The following CDH18 variants were observed in gnomAD, a reference collection of about 807,000 sequenced individuals.
CDH18 encodes cadherin-18.
CDH18 carries 31 observed loss-of-function variants against 67.9 expected under a neutral mutation model. The ratio of observed to expected loss-of-function variants is 0.46; its 90% CI spans 0.34 to 0.62. The LOEUF (loss-of-function observed/expected upper bound fraction) is 0.62. Among genes scored for constraint, CDH18 ranks in the 20% least tolerant of loss-of-function variants. The probability of loss-of-function intolerance (pLI) is 0.01; values close to 1 mark genes in which losing one functional copy is unlikely to be tolerated. For missense variants in CDH18, 890 were observed against 975.5 expected (o/e 0.91, Z 1.17); for synonymous variants, 362 against 347.2 (o/e 1.04, Z -0.48).
chr5:20,363,615 T>C (rs1258364570), intron 1 of CDH18, among the ~76,000 whole-genome samples: 1 of 152,088 alleles, frequency 6.6e-6, no homozygotes, highest in Non-Finnish European at 1.5e-5. Context: ...TATTTATGTA[T>C]ACAGTGGCAT....
chr5:19,852,131 G>T (rs1360383609), intron 2 of CDH18, among the ~76,000 whole-genome samples: 1 of 151,914 alleles, frequency 6.6e-6, no homozygotes, highest in East Asian at 1.9e-4. Flanking sequence ...AGACTATCTG[G>T]ATTGACCAGG....
intron 2 of CDH18, among the ~76,000 whole-genome samples, chr5:19,890,689 G>A (rs978162243): frequency 5.3e-5 from 8 of 151,606 alleles, no homozygotes; most frequent in Non-Finnish European, 1.5e-5. Context: ...CCGCATCCTG[G>A]GTTCAAGTGA....
chr5:20,457,459 T>C (rs1176037165), intron 1 of CDH18, among the ~76,000 whole-genome samples: 2 of 152,132 alleles, frequency 1.3e-5, no homozygotes, highest in Non-Finnish European at 2.9e-5. Flanking sequence ...ATTTTACAGA[T>C]GAGCAAATGG....
chr5:19,938,362 T>A (rs1292703312), intron 2 of CDH18, among the ~76,000 whole-genome samples: 1 of 151,320 alleles, frequency 6.6e-6, no homozygotes, highest in Non-Finnish European at 1.5e-5. Context: ...TTTTAATTTT[T>A]TTATTATTAT....
chr5:20,517,551 T>C (rs1015941167), intron 1 of CDH18, among the ~76,000 whole-genome samples: 6 of 152,024 alleles, frequency 3.9e-5, no homozygotes, highest in Admixed American at 6.6e-5. Flanking sequence ...AAATCTGATA[T>C]ATTTTAAATA....
intron 2 of CDH18, among the ~76,000 whole-genome samples, chr5:19,995,102 T>C (rs1483500338): frequency 6.6e-6 from 1 of 151,524 alleles, no homozygotes; most frequent in Non-Finnish European, 1.5e-5. Context: ...AGGCACTCAA[T>C]GGATTGGATG....
chr5:20,540,366 C>G (rs756748390), intron 1 of CDH18, among the ~76,000 whole-genome samples: 1 of 151,992 alleles, frequency 6.6e-6, no homozygotes, highest in African/African-American at 2.4e-5. Context: ...GAAATCATAA[C>G]CATATGTCAA....
At chr5:20,148,093 T>G (rs1332023086) in intron 2 of CDH18, among the ~76,000 whole-genome samples, 4 of 151,744 alleles carry the variant, frequency 2.6e-5, no homozygotes, top group African/African-American at 7.2e-5. Context: ...TGTTTTGTTT[T>G]TTTTTTTCTT....
At chr5:20,236,777 A>G (rs1203092794) in intron 2 of CDH18, among the ~76,000 whole-genome samples, 1 of 152,028 alleles carries the variant, frequency 6.6e-6, no homozygotes, top group East Asian at 1.9e-4. Flanking sequence ...TCAAACAAAT[A>G]CTACACAAAC....
At chr5:19,686,541 C>G (rs555413032) in intron 5 of CDH18, among the ~76,000 whole-genome samples, 2 of 152,074 alleles carry the variant, frequency 1.3e-5, no homozygotes, top group Non-Finnish European at 2.9e-5. Context: ...TATTTATGTG[C>G]GCGCACCTAC....
intron 1 of CDH18, among the ~76,000 whole-genome samples, chr5:20,468,730 TG>T (rs1160712321): frequency 1.3e-5 from 2 of 152,208 alleles, no homozygotes; most frequent in Admixed American, 1.3e-4. Flanking sequence ...CAAAGTTAGA[TG>T]AGTCATATAA....
Position 19,808,318 on chromosome 5 carries a change from C to A in CDH18, c.228+30441G>T, listed in dbSNP as rs182999407. On this transcript the variant is annotated intron_variant, in intron 3 of 12. Transcript: ENST00000382275. ...AAAAAATAAAACAAAACAACAACAA[C>A]AAAAAAAAAACAAAAATAAAACTGA... Among the ~76,000 whole-genome samples, 982 of 133,282 alleles carry A rather than the reference C, an allele frequency of 7.4e-3. 7 individuals are homozygous for A. Among genetic ancestry groups the A allele is most frequent in the Middle Eastern group, 0.014 (3 of 216 alleles). 87.4% of individuals were successfully genotyped at this position (133,282 alleles called of 152,430 possible).
intron 1 of CDH18, among the ~76,000 whole-genome samples, chr5:20,569,399 G>T (rs1758684589): frequency 6.6e-6 from 1 of 152,112 alleles, no homozygotes; most frequent in South Asian, 2.1e-4. Flanking sequence ...ACGGCGGGCG[G>T]ATCATGAGGT....
At chr5:20,536,772 G>A (rs964443850) in intron 1 of CDH18, among the ~76,000 whole-genome samples, 1 of 152,142 alleles carries the variant, frequency 6.6e-6, no homozygotes, top group African/African-American at 2.4e-5. Flanking sequence ...ACCCAAGGAG[G>A]AGGCTCTAGC....
At chr5:20,178,593 T>C (rs79159317) in intron 2 of CDH18, among the ~76,000 whole-genome samples, 1 of 139,346 alleles carries the variant, frequency 7.2e-6, no homozygotes, top group Non-Finnish European at 1.5e-5. Flanking sequence ...TCTTTCTTTC[T>C]TTTTTTTTTT....
At chr5:19,856,794 C>T (rs1266098148) in intron 2 of CDH18, among the ~76,000 whole-genome samples, 2 of 152,070 alleles carry the variant, frequency 1.3e-5, no homozygotes, top group East Asian at 3.9e-4. Flanking sequence ...CAGCTTCAAG[C>T]ACTGCGAGAA....
chr5:20,095,603 GA>G (rs1381600605), intron 2 of CDH18, among the ~76,000 whole-genome samples: 2 of 141,642 alleles, frequency 1.4e-5, no homozygotes, highest in African/African-American at 2.7e-5. Flanking sequence ...AAAGAAGAAA[GA>G]AAGAAAAGAA....
chr5:20,244,304 C>T (rs1268512092), intron 2 of CDH18, among the ~76,000 whole-genome samples: 1 of 152,076 alleles, frequency 6.6e-6, no homozygotes, highest in Non-Finnish European at 1.5e-5. Flanking sequence ...GCATGAGCTA[C>T]ACATTTTGTT....
chr5:19,802,132 C>T (rs1777538465), intron 3 of CDH18, among the ~76,000 whole-genome samples: 1 of 151,940 alleles, frequency 6.6e-6, no homozygotes, highest in Non-Finnish European at 1.5e-5. Flanking sequence ...TATATGACTC[C>T]CTTATATCAT....
Sources: gnomAD v4.1 joint callset for allele counts (sites outside exome capture counted in the v4.1 genomes callset) on GRCh38, gnomAD v4.1.1 for gene constraint, MANE v1.5 for transcripts, NCBI Gene and HGNC (gene_info 2026-07-23, HGNC 2026-07-21) for gene names.